Variants in ADAMTS7 observed in about 807,000 individuals in gnomAD.
The protein encoded by ADAMTS7 is A disintegrin and metalloproteinase with thrombospondin motifs 7.
Under a neutral mutation model 172.6 loss-of-function variants are expected in ADAMTS7, and 89 were observed. The observed-to-expected ratio is 0.52, with a 90% CI of 0.43 to 0.61. The LOEUF is 0.61. Among genes scored for constraint, ADAMTS7 ranks in the 20% least tolerant of loss-of-function variants. ADAMTS7 has a pLI of 0.00. For missense variants in ADAMTS7, 1,973 were observed against 2,355.6 expected (o/e 0.84, Z 3.36); for synonymous variants, 885 against 978.4 (o/e 0.90, Z 1.78).
intron 4 of ADAMTS7, 45 bp downstream of exon 4, chr15:78,796,545 C>T: frequency 1.9e-6 from 3 of 1,579,844 alleles, no homozygotes; most frequent in Non-Finnish European, 2.6e-6. Flanking sequence ...CACCCCACCC[C>T]CCAACACCAT....
At chr15:78,765,120 C>T (rs1186442213) in intron 19 of ADAMTS7, 1 of 209,720 alleles carries the variant, frequency 4.8e-6, no homozygotes, top group Non-Finnish European at 9.5e-6. Flanking sequence ...GGGCCTCAGC[C>T]TGCCCCTTCC....
At chr15:78,765,223 C>T (rs1343707063) in intron 19 of ADAMTS7, 3 of 245,286 alleles carry the variant, frequency 1.2e-5, no homozygotes, top group African/African-American at 2.3e-5. Context: ...TTCTTTCTGG[C>T]AGCTCAGACC....
At chr15:78,794,553 C>A (rs1053469581) in intron 4 of ADAMTS7, among the ~76,000 whole-genome samples, 2 of 152,134 alleles carry the variant, frequency 1.3e-5, no homozygotes, top group African/African-American at 4.8e-5. Context: ...GAGAACCAGT[C>A]CCACCCTCTC....
chr15:78,779,556 A>G (rs1222354613), intron 8 of ADAMTS7, among the ~76,000 whole-genome samples: 1 of 152,124 alleles, frequency 6.6e-6, no homozygotes, highest in Admixed American at 6.5e-5. Flanking sequence ...CCTGGTGGGG[A>G]GAAAGGAGTG....
chr15:78,806,132 A>C (rs59751779), intron 1 of ADAMTS7, among the ~76,000 whole-genome samples: 925 of 43,978 alleles, frequency 0.021, 3 homozygotes, highest in East Asian at 0.053. Context: ...ACACACAAAA[A>C]AAAAAAAAAA....
chr15:78,761,852 C>G (rs982293937), intron 23 of ADAMTS7: 1 of 985,218 alleles, frequency 1.0e-6, no homozygotes, highest in African/African-American at 1.7e-5. Flanking sequence ...GGCCAGGAAA[C>G]CCCCCACCAC....
In ADAMTS7 at chr15:78,811,339, G is replaced by T; in HGVS notation, c.-119C>A. 8.6e-7 allele frequency: 1 copy of T among 1,168,104 alleles called. No individual in the cohort carries two copies. Among genetic ancestry groups the T allele is most frequent in the Non-Finnish European group, 1.1e-6 (1 of 935,236 alleles). The allele number at this position is 1,168,104 out of a possible 1,614,324, so 72.4% of individuals were successfully genotyped here. A position where few individuals can be genotyped will look rare whatever the true frequency, so the allele number is the denominator to read the frequency against. The stretch of plus-strand genomic sequence containing the variant: ...GCCCGGCCGGCGTGCAGCTCCCGGC[G>T]ACCCGGCCCCGACTCCGTTCGGCTG... On this transcript the variant is annotated 5_prime_UTR_variant, in exon 1 of 24. Coordinates refer to ENST00000388820, the MANE Select transcript of ADAMTS7 (RefSeq NM_014272.5).
At chr15:78,761,853 C>G (rs112745574) in intron 23 of ADAMTS7, 11 of 985,226 alleles carry the variant, frequency 1.1e-5, no homozygotes, top group Non-Finnish European at 1.3e-5. Flanking sequence ...GCCAGGAAAC[C>G]CCCCACCACT....
At chr15:78,782,292 A>C (rs947808707) in intron 8 of ADAMTS7, among the ~76,000 whole-genome samples, 3 of 151,856 alleles carry the variant, frequency 2.0e-5, no homozygotes, top group Admixed American at 2.0e-4. Context: ...CAGTCTCCCA[A>C]AGTGCTGGGT....
At chr15:78,802,660 AC>A (rs1209448509) in intron 1 of ADAMTS7, among the ~76,000 whole-genome samples, 1 of 151,942 alleles carries the variant, frequency 6.6e-6, no homozygotes, top group Non-Finnish European at 1.5e-5. Context: ...TTTGCCACAA[AC>A]CCCTTCTCCT....
intron 16 of ADAMTS7, among the ~76,000 whole-genome samples, chr15:78,770,067 G>A (rs1182246500): frequency 6.6e-6 from 1 of 152,170 alleles, no homozygotes; most frequent in Non-Finnish European, 1.5e-5. Flanking sequence ...GGAGGCTGAG[G>A]AAGGAGAATC....
At position 78,774,180 on chromosome 15, in the gene ADAMTS7, T is replaced by C. The variant is rs770010831; in HGVS notation, c.1997A>G (p.Asn666Ser). 3 of 1,592,172 alleles carry C rather than the reference T, an allele frequency of 1.9e-6. No individual in the cohort carries two copies. The South Asian group carries it at 3.3e-5, about 18-fold the overall frequency. Residue 666 changes from asparagine to serine, a missense_variant, in exon 13 of 24, where the codon AAC becomes AGC. This residue lies in a region of ADAMTS7 where 526 missense variants were observed against 662.9 expected (regional missense o/e 0.79). Coordinates refer to ENST00000388820, the MANE Select transcript of ADAMTS7 (RefSeq NM_014272.5). ...AACCAGGCACACCTTACAGATGCCG[T>C]TGATGCAGAGGTCCCGGCTGGCTCG... ...QVRASRDLCINGICKNVGCDF... is the reference protein window; with the variant it reads ...QVRASRDLCISGICKNVGCDF...
intron 4 of ADAMTS7, among the ~76,000 whole-genome samples, chr15:78,792,792 C>A: frequency 6.6e-6 from 1 of 151,666 alleles, no homozygotes; most frequent in African/African-American, 2.4e-5. Flanking sequence ...CCGACCTGGG[C>A]GACAGAGCAA....
At chr15:78,785,091 G>C (rs566976578) in intron 8 of ADAMTS7, among the ~76,000 whole-genome samples, 24 of 152,290 alleles carry the variant, frequency 1.6e-4, no homozygotes, top group African/African-American at 4.8e-4. Context: ...GAGGACACAG[G>C]GAAGTTGGGA....
chr15:78,791,828 C>T (rs1316596117), intron 4 of ADAMTS7, among the ~76,000 whole-genome samples: 1 of 152,158 alleles, frequency 6.6e-6, no homozygotes, highest in Non-Finnish European at 1.5e-5. Context: ...CAGGTGTGCA[C>T]ATCTATCAGA....
chr15:78,775,196 C>T (rs1046187206), intron 11 of ADAMTS7, among the ~76,000 whole-genome samples: 5 of 152,220 alleles, frequency 3.3e-5, no homozygotes, highest in Admixed American at 2.6e-4. Context: ...GCCCATGACA[C>T]CAGCATCCTA....
chr15:78,765,610 G>A (rs758966203), intron 19 of ADAMTS7, 35 bp downstream of exon 19: 7 of 1,595,462 alleles, frequency 4.4e-6, no homozygotes, highest in African/African-American at 4.0e-5. Context: ...AAGGTCCTGC[G>A]CAAACTCCCT....
At position 78,774,227 on chromosome 15, in the gene ADAMTS7, A is replaced by G; in HGVS notation, c.1950T>C (p.Asp650=). The part of the protein sequence containing the change: ...FAEKLRDAVV[D]GTPCYQVRAS... ...CTCGGACCTGGTAGCAGGGGGTGCC[A>G]TCGACCACGGCGTCCCGCAGCTTCT... Residue 650 remains aspartate (D), a synonymous_variant, in exon 13 of 24, where the codon GAT becomes GAC. Transcript: ENST00000388820. 1.3e-6 allele frequency: 2 copies of G among 1,587,960 alleles called. No homozygotes were observed. The highest frequency in any genetic ancestry group is 1.7e-6 in the Non-Finnish European group (2 of 1,175,966).
intron 9 of ADAMTS7, 106 bp downstream of exon 9, chr15:78,777,338 C>A: frequency 7.0e-7 from 1 of 1,434,114 alleles, no homozygotes; most frequent in Non-Finnish European, 9.3e-7. Context: ...GCAGCCCAGG[C>A]CAGGAGAGGT....
Sources: allele counts gnomAD v4.1 joint callset (sites outside exome capture counted in the v4.1 genomes callset), GRCh38; gene constraint gnomAD v4.1.1; regional missense constraint gnomAD v4.1.1; transcripts MANE v1.5; gene names NCBI Gene and HGNC (gene_info 2026-07-23, HGNC 2026-07-21).